Variants in SDCCAG8 observed in about 807,000 individuals in gnomAD.
The protein encoded by SDCCAG8 is SHH signaling and ciliogenesis regulator SDCCAG8, also known as serologically defined colon cancer antigen 8.
SDCCAG8 carries 74 observed loss-of-function variants against 101.8 expected under a neutral mutation model. The observed-to-expected ratio is 0.73, with a 90% confidence interval of 0.60 to 0.88. The LOEUF (loss-of-function observed/expected upper bound fraction) is 0.88, where lower values mean the gene tolerates loss of function less well. Among genes scored for constraint, SDCCAG8 ranks in the 40% least tolerant of loss-of-function variants. The pLI is 0.00. For synonymous variants in SDCCAG8, 281 were observed against 292.9 expected (o/e 0.96, Z 0.41); for missense variants, 787 against 822.6 (o/e 0.96, Z 0.53).
intron 9 of SDCCAG8, among the ~76,000 whole-genome samples, chr1:243,323,548 C>G (rs1043138136): frequency 4.6e-5 from 7 of 152,210 alleles, no homozygotes; most frequent in Admixed American, 4.6e-4. Context: ...CTGCCCACAG[C>G]CTTTGTTTAA....
intron 16 of SDCCAG8, among the ~76,000 whole-genome samples, chr1:243,464,334 G>T (rs1308887698): frequency 6.6e-6 from 1 of 152,100 alleles, no homozygotes; most frequent in Non-Finnish European, 1.5e-5. Flanking sequence ...TTCATGGGAG[G>T]TCACAACTTG....
chr1:243,284,133 A>C (rs2149282110), intron 4 of SDCCAG8, among the ~76,000 whole-genome samples: 1 of 152,296 alleles, frequency 6.6e-6, no homozygotes, highest in South Asian at 2.1e-4. Context: ...AAATCTTTTC[A>C]AACTGTGTTT....
rs189492785 is a variant in SDCCAG8 at position 243,439,665 on chromosome 1, C to T, written c.1985+13107C>T. On this transcript the variant is annotated intron_variant, in intron 16 of 17. Coordinates refer to ENST00000366541, the MANE Select transcript of SDCCAG8 (RefSeq NM_006642.5). ...ACACACACACACACACACACACACACATCATTGGAGCTATTCTGTAGAGAT... is the reference window on the plus strand; with the variant it reads ...ACACACACACACACACACACACACATATCATTGGAGCTATTCTGTAGAGAT... Among the ~76,000 whole-genome samples, 3 of 151,428 alleles carry T rather than the reference C, an allele frequency of 2.0e-5. No homozygotes were observed. The East Asian group carries it at 5.9e-4, about 30-fold the overall frequency.
intron 16 of SDCCAG8, among the ~76,000 whole-genome samples, chr1:243,455,804 T>A (rs1426607042): frequency 1.3e-5 from 2 of 152,248 alleles, no homozygotes; most frequent in African/African-American, 4.8e-5. Flanking sequence ...AAGTTCCCCT[T>A]GTAATGCATA....
chr1:243,288,866 G>C (rs918713966), intron 5 of SDCCAG8, among the ~76,000 whole-genome samples: 15 of 151,932 alleles, frequency 9.9e-5, no homozygotes, highest in Non-Finnish European at 1.8e-4. Flanking sequence ...AATTAGCCGG[G>C]CGTGGTGGTG....
At chr1:243,313,654 A>T (rs1429245555) in intron 8 of SDCCAG8, among the ~76,000 whole-genome samples, 1 of 152,170 alleles carries the variant, frequency 6.6e-6, no homozygotes, top group Non-Finnish European at 1.5e-5. Flanking sequence ...GTTTCCAAGC[A>T]CTCATAGAAC....
At chr1:243,453,552 G>A (rs938764334) in intron 16 of SDCCAG8, among the ~76,000 whole-genome samples, 3 of 152,118 alleles carry the variant, frequency 2.0e-5, no homozygotes, top group South Asian at 4.1e-4. Flanking sequence ...TCACAAACCC[G>A]CCTCTGTACA....
At chr1:243,292,248 C>T (rs2070343981) in intron 5 of SDCCAG8, among the ~76,000 whole-genome samples, 1 of 152,150 alleles carries the variant, frequency 6.6e-6, no homozygotes, top group Admixed American at 6.5e-5. Flanking sequence ...AGTCCTTTCC[C>T]CCCTTGAGGT....
At chr1:243,287,103 TTA>T in intron 5 of SDCCAG8, among the ~76,000 whole-genome samples, 1 of 152,314 alleles carries the variant, frequency 6.6e-6, no homozygotes, top group South Asian at 2.1e-4. Flanking sequence ...TTGGGTCAGA[TTA>T]TCTCTATAAT....
At chr1:243,355,659 G>A (rs2076341308) in intron 12 of SDCCAG8, among the ~76,000 whole-genome samples, 1 of 149,046 alleles carries the variant, frequency 6.7e-6, no homozygotes, top group Admixed American at 6.7e-5. Flanking sequence ...AGGCTGGAGT[G>A]CGGTGGCACA....
At chr1:243,434,125 T>G (rs752416046) in intron 16 of SDCCAG8, among the ~76,000 whole-genome samples, 21 of 152,256 alleles carry the variant, frequency 1.4e-4, no homozygotes, top group Non-Finnish European at 2.6e-4. Flanking sequence ...TAGTTTGTTT[T>G]GGATTGTTTT....
chr1:243,347,122 C>G (rs1194833426), intron 12 of SDCCAG8, among the ~76,000 whole-genome samples: 1 of 151,792 alleles, frequency 6.6e-6, no homozygotes, highest in African/African-American at 2.4e-5. Flanking sequence ...TCATCGTCAC[C>G]TTCATCTTCT....
chr1:243,326,964 T>A lies in SDCCAG8; in HGVS notation c.1069-3576T>A, dbSNP rs190955242. On this transcript the variant is annotated intron_variant, in intron 9 of 17. Coordinates refer to ENST00000366541, the MANE Select transcript of SDCCAG8 (RefSeq NM_006642.5). ...GGAATATCAAGTCCAATAAACTGTGTTTGAAAAAAAGTGTTAATATGTCAA... is the reference window on the plus strand; with the variant it reads ...GGAATATCAAGTCCAATAAACTGTGATTGAAAAAAAGTGTTAATATGTCAA... Among the ~76,000 whole-genome samples the A allele has an allele frequency of 9.9e-5, 15 of 152,186 alleles. No homozygotes were observed. The East Asian group carries it at 2.9e-3, about 29-fold the overall frequency.
intron 13 of SDCCAG8, among the ~76,000 whole-genome samples, chr1:243,392,823 A>G (rs923956437): frequency 6.6e-6 from 1 of 152,228 alleles, no homozygotes; most frequent in African/African-American, 2.4e-5. Context: ...TTCAGTCAAC[A>G]TTTATTCCTA....
chr1:243,380,933 T>G (rs2077905682), intron 13 of SDCCAG8, among the ~76,000 whole-genome samples: 1 of 152,144 alleles, frequency 6.6e-6, no homozygotes, highest in African/African-American at 2.4e-5. Flanking sequence ...TATATAGTAC[T>G]TTTTTGTTTT....
chr1:243,267,791 A>G (rs1057148872), intron 1 of SDCCAG8: 12 of 821,392 alleles, frequency 1.5e-5, no homozygotes, highest in African/African-American at 1.2e-4. Flanking sequence ...CAATTTCTCA[A>G]TTTCAGCCAT....
At chr1:243,283,870 G>A (rs1417676501) in intron 4 of SDCCAG8, among the ~76,000 whole-genome samples, 3 of 151,910 alleles carry the variant, frequency 2.0e-5, no homozygotes, top group African/African-American at 7.3e-5. Flanking sequence ...CCTCCCGAGT[G>A]GCTGGGATAA....
chr1:243,492,344 C>T (rs1429911450), intron 17 of SDCCAG8, among the ~76,000 whole-genome samples: 33 of 141,180 alleles, frequency 2.3e-4, no homozygotes, highest in African/African-American at 1.8e-4. Flanking sequence ...CTCCGTCACC[C>T]GGACTGGAGT....
At chr1:243,467,818 C>A (rs1046861500) in intron 16 of SDCCAG8, among the ~76,000 whole-genome samples, 3 of 152,134 alleles carry the variant, frequency 2.0e-5, no homozygotes, top group African/African-American at 7.2e-5. Flanking sequence ...AAGAACACTG[C>A]CTTAATTTTT....
Sources: gnomAD v4.1 joint callset for allele counts (sites outside exome capture counted in the v4.1 genomes callset) on GRCh38, gnomAD v4.1.1 for gene constraint, MANE v1.5 for transcripts, NCBI Gene and HGNC (gene_info 2026-07-23, HGNC 2026-07-21) for gene names.